Variants in KALRN observed in about 807,000 individuals in gnomAD.
KALRN encodes kalirin RhoGEF kinase.
KALRN carries 70 observed loss-of-function variants against 353.7 expected under a neutral mutation model. That is an observed-to-expected ratio of 0.20 (90% CI 0.16 to 0.24). The LOEUF is 0.24. Ranked by LOEUF, KALRN falls within the 10% of genes least tolerant of loss-of-function variation. KALRN has a pLI of 1.00. For synonymous variants in KALRN, 1,391 were observed against 1,434.8 expected, an observed-to-expected ratio of 0.97 and a Z score of 0.69; for missense variants, 2,791 against 3,756.7, an observed-to-expected ratio of 0.74 and a Z score of 6.72.
chr3:124,442,926 T>C (rs1416741126), intron 19 of KALRN, among the ~76,000 whole-genome samples: 1 of 151,966 alleles, frequency 6.6e-6, no homozygotes, highest in East Asian at 1.9e-4. Context: ...GAGGCTGCAG[T>C]GAGCCATGTT....
chr3:124,605,238 A>G (rs2077212384), intron 34 of KALRN, among the ~76,000 whole-genome samples: 1 of 151,598 alleles, frequency 6.6e-6, no homozygotes, highest in Admixed American at 6.6e-5. Context: ...GAGCCAGCAC[A>G]TCTGGCCTAA....
chr3:124,104,346 A>G (rs2062111395), intron 1 of KALRN, among the ~76,000 whole-genome samples: 1 of 152,186 alleles, frequency 6.6e-6, no homozygotes, highest in Non-Finnish European at 1.5e-5. Flanking sequence ...TCAATGGGGG[A>G]AGTAGACAAT....
chr3:124,240,681 G>C (rs533972201), intron 3 of KALRN, among the ~76,000 whole-genome samples: 34 of 151,996 alleles, frequency 2.2e-4, no homozygotes, highest in African/African-American at 7.2e-4. Context: ...CATTGATGTA[G>C]TCCATGTAGG....
chr3:124,677,888 A>T (rs1486952708), intron 49 of KALRN, among the ~76,000 whole-genome samples: 1 of 152,180 alleles, frequency 6.6e-6, no homozygotes, highest in African/African-American at 2.4e-5. Flanking sequence ...GTGAGGCATC[A>T]TGGGTATGGT....
intron 27 of KALRN, among the ~76,000 whole-genome samples, chr3:124,481,142 A>G (rs186804351): frequency 6.6e-6 from 1 of 152,142 alleles, no homozygotes; most frequent in African/African-American, 2.4e-5. Flanking sequence ...GCTGTTAGGT[A>G]TATATATTAC....
chr3:124,255,834 C>A (rs940320751), intron 3 of KALRN, among the ~76,000 whole-genome samples: 4 of 152,014 alleles, frequency 2.6e-5, no homozygotes, highest in Non-Finnish European at 5.9e-5. Flanking sequence ...ATTACCCAGG[C>A]AAAGATGGGG....
chr3:124,577,889 AC>A (rs879576630), intron 34 of KALRN, among the ~76,000 whole-genome samples: 67,361 of 151,562 alleles, frequency 0.44, 16,588 homozygotes, highest in East Asian at 0.83. Context: ...AAACAAACAA[AC>A]AAAACCCCCC....
chr3:124,584,976 G>A, intron 34 of KALRN: 2 of 1,530,628 alleles, frequency 1.3e-6, no homozygotes, highest in South Asian at 1.2e-5. Flanking sequence ...GAGGGAGGGT[G>A]GTAGGGAGGG....
At chr3:124,387,789 T>A (rs941522347) in intron 11 of KALRN, among the ~76,000 whole-genome samples, 21 of 152,146 alleles carry the variant, frequency 1.4e-4, no homozygotes, top group Non-Finnish European at 2.8e-4. Flanking sequence ...TACAACTCTC[T>A]GATCATACAG....
At chr3:124,549,843 A>G (rs1041501462) in intron 33 of KALRN, among the ~76,000 whole-genome samples, 2 of 152,144 alleles carry the variant, frequency 1.3e-5, no homozygotes, top group African/African-American at 4.8e-5. Flanking sequence ...TTGCCCATCC[A>G]TGGAAATCCA....
At position 124,449,167 on chromosome 3, in the gene KALRN, A is replaced by G. The variant is rs1054715077; in HGVS notation, c.3552+2282A>G. Among the ~76,000 whole-genome samples the G allele has an allele frequency of 2.6e-5, 4 of 152,230 alleles. No individual in the cohort carries two copies. The East Asian group carries it at 7.7e-4, about 29-fold the overall frequency. On this transcript the variant is annotated intron_variant, in intron 21 of 59. Transcript: ENST00000682506. ...CTTTATAACCAATAAAATGAATTTG[A>G]AATGGAAACCAAATTGACCTTTAGC...
chr3:124,642,304 AAGAGAGAG>A (rs34625612), intron 37 of KALRN, among the ~76,000 whole-genome samples: 1 of 149,902 alleles, frequency 6.7e-6, no homozygotes, highest in East Asian at 2.0e-4. Context: ...AAAAAATTAA[AAGAGAGAG>A]AGAGAGAGAG....
intron 1 of KALRN, among the ~76,000 whole-genome samples, chr3:124,202,657 C>T (rs1319676318): frequency 6.6e-6 from 1 of 152,162 alleles, no homozygotes; most frequent in Non-Finnish European, 1.5e-5. Flanking sequence ...GCTCTCTATC[C>T]ACCCTTCCAG....
rs372748476 is a variant in KALRN at position 124,446,120 on chromosome 3, C to T, written c.3314-41C>T. The T allele has an allele frequency of 1.5e-5, 21 of 1,424,286 alleles. No individual in the cohort carries two copies. In the African/African-American group the frequency reaches 1.8e-4, roughly 12 times the overall value. The allele number at this position is 1,424,286 out of a possible 1,614,324, so 88.2% of individuals were successfully genotyped here. On this transcript the variant is annotated intron_variant, in intron 19 of 59. Transcript: ENST00000682506. Reference sequence around the variant, plus strand: ...GCTGAAGGGGTTGGTTGGATTTGCTCAGAGCCCCTTGTGACCATCATGCAT... The same window carrying T: ...GCTGAAGGGGTTGGTTGGATTTGCTTAGAGCCCCTTGTGACCATCATGCAT...
At chr3:124,539,931 G>T (rs1017228950) in intron 33 of KALRN, among the ~76,000 whole-genome samples, 8 of 150,918 alleles carry the variant, frequency 5.3e-5, no homozygotes, top group Non-Finnish European at 8.9e-5. Context: ...TTGGGGGGGG[G>T]GACAGGGTCT....
intron 49 of KALRN, among the ~76,000 whole-genome samples, chr3:124,675,798 C>A (rs1484013337): frequency 6.6e-6 from 1 of 152,130 alleles, no homozygotes; most frequent in Non-Finnish European, 1.5e-5. Context: ...CCGCTGCTTT[C>A]CCCTGCTGCA....
intron 1 of KALRN, among the ~76,000 whole-genome samples, chr3:124,106,306 C>T (rs2149464381): frequency 6.6e-6 from 1 of 152,290 alleles, no homozygotes; most frequent in South Asian, 2.1e-4. Flanking sequence ...AAAGAACAGG[C>T]AGTGTCATGA....
In KALRN at chr3:124,712,797, T is replaced by C; in HGVS notation, c.8076-138T>C. The C allele has an allele frequency of 5.3e-6, 3 of 569,356 alleles. No homozygotes were observed. In the South Asian group the frequency reaches 8.5e-5, roughly 16 times the overall value. The allele number at this position is 569,356 out of a possible 1,614,324, so 35.3% of individuals were successfully genotyped here. On this transcript the variant is annotated intron_variant, in intron 57 of 59. Coordinates refer to ENST00000682506, the MANE Select transcript of KALRN (RefSeq NM_001388419.1). ...GGAAAAATGGATTCTCTGAATAACA[T>C]TATAATTAAAAATATAGGAGAGTAG...
chr3:124,515,618 CAGAA>C (rs2066449238), intron 33 of KALRN, among the ~76,000 whole-genome samples: 1 of 152,144 alleles, frequency 6.6e-6, no homozygotes, highest in African/African-American at 2.4e-5. Flanking sequence ...CCTATGGAAT[CAGAA>C]AGCCAAAGTA....
Sources: gnomAD v4.1 joint callset for allele counts (sites outside exome capture counted in the v4.1 genomes callset) on GRCh38, gnomAD v4.1.1 for gene constraint, MANE v1.5 for transcripts, NCBI Gene and HGNC (gene_info 2026-07-23, HGNC 2026-07-21) for gene names.